SLC34A2: variants seen among roughly 807,000 people sequenced by gnomAD.
SLC34A2 encodes the protein solute carrier family 34 member 2, also known as sodium-dependent phosphate transport protein 2B.
In SLC34A2, 41 loss-of-function variants were observed where a neutral mutation model predicts 50.8. The ratio of observed to expected loss-of-function variants is 0.81; its 90% CI spans 0.63 to 1.05. The LOEUF is 1.05. Ranked by LOEUF, SLC34A2 falls within the 50% of genes least tolerant of loss-of-function variation. The pLI is 0.00. For missense variants in SLC34A2, 879 were observed against 876.7 expected (o/e 1.00, Z -0.03); for synonymous variants, 401 against 364.2 (o/e 1.10, Z -1.15).
chr4:25,671,744 G>A (rs1385811566), intron 9 of SLC34A2, 23 bp downstream of exon 9: 2 of 1,614,116 alleles, frequency 1.2e-6, no homozygotes, highest in East Asian at 2.2e-5. Context: ...CAGTGGATTG[G>A]CCACTATGAC....
intron 10 of SLC34A2, among the ~76,000 whole-genome samples, chr4:25,673,961 G>A (rs1714963001): frequency 6.6e-6 from 1 of 152,198 alleles, no homozygotes; most frequent in African/African-American, 2.4e-5. Flanking sequence ...TCAAATGTGG[G>A]TGCTGACAGG....
chr4:25,666,722 C>T (rs149981604), intron 5 of SLC34A2, among the ~76,000 whole-genome samples: 49 of 152,286 alleles, frequency 3.2e-4, no homozygotes, highest in African/African-American at 1.1e-3. Flanking sequence ...AAAGTTAGTT[C>T]TCTGGGACAG....
chr4:25,668,714 G>C (rs16877402), intron 6 of SLC34A2, among the ~76,000 whole-genome samples: 3,626 of 151,396 alleles, frequency 0.024, 148 homozygotes, highest in African/African-American at 0.081. Flanking sequence ...TTCCACTTTC[G>C]GTCAGCTCAA....
intron 6 of SLC34A2, 149 bp from the exon 7 acceptor site, chr4:25,669,498 T>C (rs1714697792): frequency 2.6e-6 from 2 of 781,606 alleles, no homozygotes; most frequent in Admixed American, 1.8e-5. Flanking sequence ...GGGATCGATA[T>C]GAGAGAACAA....
intron 10 of SLC34A2, 42 bp downstream of exon 10, chr4:25,673,296 C>T (rs770138705): frequency 4.6e-5 from 30 of 650,706 alleles, no homozygotes; most frequent in South Asian, 4.5e-4. Context: ...CATGTAGTCA[C>T]TGCATGGGGT....
chr4:25,667,854 G>T (rs1285056304), intron 5 of SLC34A2, 26 bp from the exon 6 acceptor site: 22 of 1,511,906 alleles, frequency 1.5e-5, no homozygotes, highest in African/African-American at 2.7e-5. Flanking sequence ...TTCTAAGCTT[G>T]CTAATGGTAC....
chr4:25,667,979 G>C lies in SLC34A2; in HGVS notation c.623G>C (p.Ser208Thr), dbSNP rs1431110029. ...GCGCTCATGCAGGTGGGAGATCGGAGTGAGTTCAGAAGGTAAGAGGCTCAA... is the reference window on the plus strand; with the variant it reads ...GCGCTCATGCAGGTGGGAGATCGGACTGAGTTCAGAAGGTAAGAGGCTCAA... The part of the protein sequence containing the change: ...IVALMQVGDR[S>T]EFRRAFAGAT... Residue 208 changes from serine to threonine, a missense_variant, in exon 6 of 13, where the codon AGT (serine) becomes ACT (threonine). Coordinates refer to ENST00000382051, the MANE Select transcript of SLC34A2 (RefSeq NM_006424.3). 1 of 1,610,340 alleles carries C rather than the reference G, an allele frequency of 6.2e-7. No individual in the cohort carries two copies. Among genetic ancestry groups the C allele is most frequent in the Non-Finnish European group, 8.5e-7 (1 of 1,176,676 alleles).
At chr4:25,662,948 G>A (rs1714289593) in intron 3 of SLC34A2, 106 bp downstream of exon 3, 2 of 1,346,714 alleles carry the variant, frequency 1.5e-6, no homozygotes, top group Non-Finnish European at 1.0e-6. Context: ...TTCCCTTGAA[G>A]CAAGGGTCCT....
chr4:25,668,127 G>T lies in SLC34A2; in HGVS notation c.635+136G>T. The T allele has an allele frequency of 8.4e-6, 6 of 712,734 alleles. 1 individual carries two copies. The Admixed American group carries it at 1.2e-4, about 14-fold the overall frequency. The allele number at this position is 712,734 out of a possible 1,614,324, so 44.2% of individuals were successfully genotyped here. A position where few individuals can be genotyped will look rare whatever the true frequency, so the allele number is the denominator to read the frequency against. Reference sequence around the variant, plus strand: ...GAGTTCCTAGAAGTAACCACAGGGAGGTATGGCTAGGGTTGGATCACATAC... The same window carrying T: ...GAGTTCCTAGAAGTAACCACAGGGATGTATGGCTAGGGTTGGATCACATAC... On this transcript the variant is annotated intron_variant, in intron 6 of 12. Coordinates refer to ENST00000382051, the MANE Select transcript of SLC34A2 (RefSeq NM_006424.3).
chr4:25,673,224 G>T lies in SLC34A2; in HGVS notation c.1186G>T (p.Ala396Ser). 1 of 1,613,930 alleles carries T rather than the reference G, an allele frequency of 6.2e-7. No homozygotes were observed. The highest frequency in any genetic ancestry group is 8.5e-7 in the Non-Finnish European group (1 of 1,180,030). The change falls in exon 10 of 13, where the codon GCC becomes TCC. Residue 396 changes from alanine (A) to serine (S), a missense_variant. Ala to Ser is a moderately conservative substitution (Grantham distance 99). Transcript: ENST00000382051. Reference protein sequence around the residue: ...ILGSVLKGQVATVIKKTINTD... With the variant: ...ILGSVLKGQVSTVIKKTINTD... ...GGGCTCTGTGCTCAAGGGGCAGGTC[G>T]CCACTGTCATCAAGAAGACCATCAA...
rs369254101 is a variant in SLC34A2, at chr4:25,674,619, G to A, written c.1448G>A (p.Ser483Asn). Residue 483 changes from serine to asparagine, a missense_variant, in exon 12 of 13, where the codon AGT (serine) becomes AAT (asparagine). Coordinates refer to ENST00000382051, the MANE Select transcript of SLC34A2 (RefSeq NM_006424.3). ...ALASPGNALR[S>N]SLQIALCHFF... ...GCCAGCCCTGGCAATGCATTGAGGA[G>A]TTCACTCCAGGTCAGGACTTGGGGC... The A allele has an allele frequency of 4.5e-5, 72 of 1,614,128 alleles. No individual in the cohort carries two copies. The highest frequency in any genetic ancestry group is 1.2e-4 in the African/African-American group (9 of 74,946).
intron 1 of SLC34A2, among the ~76,000 whole-genome samples, chr4:25,662,061 G>C (rs925395618): frequency 1.3e-5 from 2 of 151,680 alleles, no homozygotes; most frequent in Non-Finnish European, 2.9e-5. Context: ...TAGTAGAGAT[G>C]GGGTTTCACC....
intron 9 of SLC34A2, 92 bp from the exon 10 acceptor site, chr4:25,672,995 T>C (rs951909304): frequency 2.2e-6 from 3 of 1,390,784 alleles, no homozygotes; most frequent in South Asian, 2.3e-5. Context: ...AGGAATCTGT[T>C]TGTAGGAAAG....
chr4:25,666,313 T>C, intron 5 of SLC34A2, 42 bp downstream of exon 5: 1 of 1,609,330 alleles, frequency 6.2e-7, no homozygotes, highest in East Asian at 2.2e-5. Flanking sequence ...TTCCAGACAC[T>C]CTCCTGTCTA....
chr4:25,673,225 C>T lies in SLC34A2; in HGVS notation c.1187C>T (p.Ala396Val). ...GGCTCTGTGCTCAAGGGGCAGGTCG[C>T]CACTGTCATCAAGAAGACCATCAAC... is the stretch of plus-strand genomic sequence containing the variant. ...ILGSVLKGQVATVIKKTINTD... is the reference protein window; with the variant it reads ...ILGSVLKGQVVTVIKKTINTD... The change falls in exon 10 of 13, where the codon GCC becomes GTC. Residue 396 changes from alanine (A) to valine (V), a missense_variant. By Grantham distance (64) the Ala-to-Val change is moderately conservative. Coordinates refer to ENST00000382051, the MANE Select transcript of SLC34A2 (RefSeq NM_006424.3). 6.2e-7 allele frequency: 1 copy of T among 1,614,022 alleles called. No homozygotes were observed. Among genetic ancestry groups the T allele is most frequent in the Middle Eastern group, 1.7e-4 (1 of 5,952 alleles).
Position 25,676,585 on chromosome 4 carries a change from A to G in SLC34A2, c.1909A>G (p.Lys637Glu). Residue 637 changes from lysine to glutamate, a missense_variant, in exon 13 of 13, where the codon AAG becomes GAG. Physicochemically the swap from Lys to Glu is moderately conservative, Grantham distance 56 (BLOSUM62 1). Transcript: ENST00000382051. ...GTGCTGCTTGCTGTGTGACTGCCCC[A>G]AGTGCTGCCGCTGCAGCAAGTGCTG... is the stretch of plus-strand genomic sequence containing the variant. The part of the protein sequence containing the change: ...RACCLLCDCP[K>E]CCRCSKCCED... 1 of 1,612,838 alleles carries G rather than the reference A, an allele frequency of 6.2e-7. No homozygotes were observed. Among genetic ancestry groups the G allele is most frequent in the East Asian group, 2.2e-5 (1 of 44,852 alleles).
chr4:25,669,691 C>T lies in SLC34A2; in HGVS notation c.680C>T (p.Ser227Phe). The T allele has an allele frequency of 1.2e-6, 2 of 1,614,148 alleles. No homozygotes were observed. Among genetic ancestry groups the T allele is most frequent in the Non-Finnish European group, 1.7e-6 (2 of 1,180,036 alleles). The stretch of plus-strand genomic sequence containing the variant: ...GTCCATGACTTCTTCAACTGGCTGT[C>T]CGTGTTGGTGCTCTTGCCCGTGGAG... The part of the protein sequence containing the change: ...ATVHDFFNWL[S>F]VLVLLPVEVA... The change falls in exon 7 of 13, where the codon TCC (serine) becomes TTC (phenylalanine). Residue 227 changes from serine to phenylalanine, a missense_variant. Coordinates refer to ENST00000382051, the MANE Select transcript of SLC34A2 (RefSeq NM_006424.3).
At chr4:25,667,356 A>G (rs1431600400) in intron 5 of SLC34A2, among the ~76,000 whole-genome samples, 1 of 152,140 alleles carries the variant, frequency 6.6e-6, no homozygotes, top group East Asian at 1.9e-4. Context: ...TACTAAAAAT[A>G]CAAAAATTAG....
At chr4:25,662,911 T>TGG (rs1714287009) in intron 3 of SLC34A2, 69 bp downstream of exon 3, 2 of 1,563,058 alleles carry the variant, frequency 1.3e-6, no homozygotes, top group Non-Finnish European at 1.8e-6. Flanking sequence ...ATCATCCTCC[T>TGG]GTCCCTCCCC....
Sources: allele counts gnomAD v4.1 joint callset (sites outside exome capture counted in the v4.1 genomes callset), GRCh38; gene constraint gnomAD v4.1.1; transcripts MANE v1.5; gene names NCBI Gene and HGNC (gene_info 2026-07-23, HGNC 2026-07-21).